The following NALCN variants were observed in gnomAD, a reference collection of about 807,000 sequenced individuals.
NALCN encodes the protein sodium leak channel NALCN.
Under a neutral mutation model 225.3 loss-of-function variants are expected in NALCN, and 111 were observed. The ratio of observed to expected loss-of-function variants is 0.49; its 90% CI spans 0.42 to 0.58. NALCN has a LOEUF of 0.58. Ranked by LOEUF, NALCN falls within the 20% of genes least tolerant of loss-of-function variation. The pLI is 0.00. For synonymous variants in NALCN, 764 were observed against 769.0 expected (o/e 0.99, Z 0.11); for missense variants, 1,378 against 2,202.4 (o/e 0.63, Z 7.49).
chr13:101,067,933 C>T lies in NALCN; in HGVS notation c.4431G>A (p.Val1477=). 3 of 1,611,040 alleles carry T rather than the reference C, an allele frequency of 1.9e-6. No homozygotes were observed. Among genetic ancestry groups the T allele is most frequent in the Non-Finnish European group, 2.5e-6 (3 of 1,177,868 alleles). ...LRHFQIIWNM[V]DDKREGVIPT... ...ACTCCCATACCTCTCTTTTATCATC[C>T]ACCATGTTCCATATTATTTGAAAGT... Residue 1477 remains valine (V), a synonymous_variant, in exon 39 of 44, where the codon GTG becomes GTA. Coordinates refer to ENST00000251127, the MANE Select transcript of NALCN (RefSeq NM_052867.4).
intron 11 of NALCN, among the ~76,000 whole-genome samples, chr13:101,256,998 C>T (rs4384473): frequency 2.6e-5 from 4 of 152,030 alleles, no homozygotes; most frequent in Non-Finnish European, 4.4e-5. Flanking sequence ...CTCCTGACCT[C>T]GTGATCCACC....
intron 10 of NALCN, among the ~76,000 whole-genome samples, chr13:101,277,347 GAGTTATGATTTTAACATTTT>G (rs2043001665): frequency 6.6e-6 from 1 of 151,964 alleles, no homozygotes; most frequent in Non-Finnish European, 1.5e-5. Flanking sequence ...CAATTATGCT[GAGTTATGATTTTAACATTTT>G]AAAATGTTAA....
chr13:101,397,040 C>A (rs1315051781), intron 2 of NALCN, among the ~76,000 whole-genome samples: 1 of 122,162 alleles, frequency 8.2e-6, no homozygotes, highest in African/African-American at 3.0e-5. Context: ...CTTTGCAGTC[C>A]AAGAAGTAAA....
chr13:101,338,926 C>A (rs1469592288), intron 7 of NALCN, among the ~76,000 whole-genome samples: 1 of 152,172 alleles, frequency 6.6e-6, no homozygotes, highest in African/African-American at 2.4e-5. Flanking sequence ...AATTCTAATC[C>A]CACTCACTCT....
chr13:101,298,720 T>C (rs2043845298), intron 7 of NALCN, among the ~76,000 whole-genome samples: 1 of 152,200 alleles, frequency 6.6e-6, no homozygotes, highest in Admixed American at 6.5e-5. Context: ...CATCTGCAGG[T>C]GGATGATGCT....
chr13:101,305,002 G>A (rs955150955), intron 7 of NALCN, among the ~76,000 whole-genome samples: 5 of 151,742 alleles, frequency 3.3e-5, no homozygotes, highest in East Asian at 3.9e-4. Context: ...TGATCCGCCC[G>A]CCTCAGCCTC....
At chr13:101,362,461 C>A (rs2046276068) in intron 6 of NALCN, among the ~76,000 whole-genome samples, 1 of 151,980 alleles carries the variant, frequency 6.6e-6, no homozygotes, top group Non-Finnish European at 1.5e-5. Flanking sequence ...AAACATGATA[C>A]ATTACATAAA....
intron 15 of NALCN, among the ~76,000 whole-genome samples, chr13:101,175,253 T>C (rs1052861967): frequency 6.6e-6 from 1 of 151,422 alleles, no homozygotes; most frequent in African/African-American, 2.4e-5. Flanking sequence ...TTTGTTTGTT[T>C]GTTCTGTTTT....
At chr13:101,330,097 A>G (rs1212880626) in intron 7 of NALCN, among the ~76,000 whole-genome samples, 2 of 151,336 alleles carry the variant, frequency 1.3e-5, no homozygotes, top group East Asian at 3.9e-4. Flanking sequence ...GCATATATAT[A>G]TATGGGCTTT....
Position 101,089,476 on chromosome 13 carries a change from T to C in NALCN, c.3489+187A>G, listed in dbSNP as rs138624029. ...AAAAGGGTAAATTTAGCAAGAGAAC[T>C]GTACTCTTAAATAATGTGTCTGAAA... On this transcript the variant is annotated intron_variant, in intron 30 of 43. Coordinates refer to ENST00000251127, the MANE Select transcript of NALCN (RefSeq NM_052867.4). This position sits in a 1 kb window ranked among gnomAD's most constrained non-coding sequence, Gnocchi z 4.7. 4.0e-3 allele frequency among the ~76,000 whole-genome samples: 607 copies of C among 152,330 alleles called. 8 individuals carry two copies. The highest frequency in any genetic ancestry group is 0.014 in the African/African-American group (587 of 41,578).
intron 6 of NALCN, among the ~76,000 whole-genome samples, chr13:101,369,881 G>C (rs1233844707): frequency 1.3e-5 from 2 of 152,054 alleles, no homozygotes; most frequent in Non-Finnish European, 2.9e-5. Flanking sequence ...CTCACCACTT[G>C]CTTCAATTTT....
At chr13:101,317,807 A>G (rs1229316271) in intron 7 of NALCN, among the ~76,000 whole-genome samples, 1 of 152,106 alleles carries the variant, frequency 6.6e-6, no homozygotes, top group African/African-American at 2.4e-5. Context: ...TATAATGCTT[A>G]CCTCTGCTTA....
In NALCN at chr13:101,100,720, T is replaced by C. The variant is rs373121038; in HGVS notation, c.3162+64A>G. 277 of 1,361,406 alleles carry C rather than the reference T, an allele frequency of 2.0e-4. 1 individual carries two copies. In the African/African-American group the frequency reaches 3.8e-3, roughly 19 times the overall value. The allele number at this position is 1,361,406 out of a possible 1,614,324, so 84.3% of individuals were successfully genotyped here. ...TTGGCATTCCAAAGTGCTAGGATTG[T>C]AGGCACATGCCACCACACTTGGCCC... On this transcript the variant is annotated intron_variant, in intron 27 of 43. Transcript: ENST00000251127.
At chr13:101,083,290 C>A in intron 31 of NALCN, 92 bp from the exon 32 acceptor site, 2 of 1,082,826 alleles carry the variant, frequency 1.8e-6, no homozygotes, top group Non-Finnish European at 1.4e-6. Context: ...TCTTAAAACC[C>A]ATTACATTTT....
At chr13:101,138,667 G>C (rs927120068) in intron 17 of NALCN, among the ~76,000 whole-genome samples, 4 of 152,198 alleles carry the variant, frequency 2.6e-5, no homozygotes, top group Admixed American at 2.6e-4. Context: ...AGGCCACAGG[G>C]CAGTGAGACG....
intron 15 of NALCN, among the ~76,000 whole-genome samples, chr13:101,173,741 CACTCT>C (rs145446949): frequency 2.2e-3 from 331 of 152,242 alleles, no homozygotes; most frequent in African/African-American, 7.7e-3. Flanking sequence ...ACATTTCCTC[CACTCT>C]ACTCTCTATC....
chr13:101,368,083 A>G (rs1185832418), intron 6 of NALCN, among the ~76,000 whole-genome samples: 1 of 151,466 alleles, frequency 6.6e-6, no homozygotes, highest in Non-Finnish European at 1.5e-5. Flanking sequence ...TACATGTGCC[A>G]TGCTGGTGTG....
chr13:101,344,871 G>GT (rs1437671438), intron 7 of NALCN, among the ~76,000 whole-genome samples: 1 of 152,092 alleles, frequency 6.6e-6, no homozygotes, highest in African/African-American at 2.4e-5. Context: ...TAGTATTACA[G>GT]TTTTTAAGAC....
chr13:101,065,393 C>G lies in NALCN; in HGVS notation c.4604+11G>C, dbSNP rs764590278. ...GGCCCCCATTCAGCCCTGCGAAAGC[C>G]TGCCTTGTACCTCAGGACATCATGG... On this transcript the variant is annotated intron_variant, in intron 40 of 43. Transcript: ENST00000251127. 1 of 1,613,910 alleles carries G rather than the reference C, an allele frequency of 6.2e-7. No homozygotes were observed. The highest frequency in any genetic ancestry group is 2.2e-5 in the East Asian group (1 of 44,864).
Sources: allele counts gnomAD v4.1 joint callset (sites outside exome capture counted in the v4.1 genomes callset), GRCh38; gene constraint gnomAD v4.1.1; non-coding constraint Gnocchi (gnomAD v3.1); transcripts MANE v1.5; gene names NCBI Gene and HGNC (gene_info 2026-07-23, HGNC 2026-07-21).